The following VSTM2L variants were observed in gnomAD, a reference collection of about 807,000 sequenced individuals.
VSTM2L encodes the protein V-set and transmembrane domain containing 2 like.
In VSTM2L, 9 loss-of-function variants were observed where a neutral mutation model predicts 19.9. The observed-to-expected ratio is 0.45, with a 90% CI of 0.27 to 0.79. VSTM2L has a LOEUF of 0.79. Ranked by LOEUF, VSTM2L falls within the 30% of genes least tolerant of loss-of-function variation. The probability of loss-of-function intolerance (pLI) is 0.15; values close to 1 mark genes in which losing one functional copy is unlikely to be tolerated. For synonymous variants in VSTM2L, 127 were observed against 133.8 expected (o/e 0.95, Z 0.35); for missense variants, 286 against 295.5 (o/e 0.97, Z 0.24).
At chr20:37,929,217 G>A (rs1475697123) in intron 1 of VSTM2L, among the ~76,000 whole-genome samples, 1 of 152,234 alleles carries the variant, frequency 6.6e-6, no homozygotes, top group Non-Finnish European at 1.5e-5. Flanking sequence ...TGAGGAAAGG[G>A]TGTTCCAGGC....
intron 3 of VSTM2L, among the ~76,000 whole-genome samples, chr20:37,941,296 AG>A (rs767548606): frequency 9.2e-5 from 14 of 152,200 alleles, no homozygotes; most frequent in Non-Finnish European, 1.3e-4. Context: ...GAGTGGGGAC[AG>A]GGGGTCAATT....
At chr20:37,914,749 G>A (rs550100674) in intron 1 of VSTM2L, among the ~76,000 whole-genome samples, 1 of 152,286 alleles carries the variant, frequency 6.6e-6, no homozygotes, top group South Asian at 2.1e-4. Flanking sequence ...CCTTGCAGAG[G>A]GGAAAACTGA....
chr20:37,927,887 G>A (rs1229261258), intron 1 of VSTM2L, among the ~76,000 whole-genome samples: 1 of 152,188 alleles, frequency 6.6e-6, no homozygotes, highest in African/African-American at 2.4e-5. Flanking sequence ...CACCTCACCC[G>A]TGTCTGGGAG....
intron 1 of VSTM2L, among the ~76,000 whole-genome samples, chr20:37,915,908 C>T (rs556663969): frequency 6.6e-6 from 1 of 152,276 alleles, no homozygotes; most frequent in South Asian, 2.1e-4. Context: ...TCTGCCTCCC[C>T]TTTTGCCCCG....
Position 37,931,764 on chromosome 20 carries a change from A to G in VSTM2L, c.251A>G (p.His84Arg), listed in dbSNP as rs1440676009. ...LEIQWWYVRS[H>R]RDWTDKQAWA... ...ATCCAGTGGTGGTATGTACGGAGCCACCGGGACTGGACCGACAAGCAGGCG... is the reference window on the plus strand; with the variant it reads ...ATCCAGTGGTGGTATGTACGGAGCCGCCGGGACTGGACCGACAAGCAGGCG... Residue 84 changes from histidine (H) to arginine (R), a missense_variant, in exon 2 of 4, where the codon CAC becomes CGC. His to Arg is a conservative substitution (Grantham distance 29). Transcript: ENST00000373461. The G allele has an allele frequency of 3.1e-6, 5 of 1,613,962 alleles. No homozygotes were observed. The highest frequency in any genetic ancestry group is 4.2e-6 in the Non-Finnish European group (5 of 1,180,012).
chr20:37,927,353 G>GT (rs147467369), intron 1 of VSTM2L, among the ~76,000 whole-genome samples: 134 of 151,798 alleles, frequency 8.8e-4, no homozygotes, highest in Non-Finnish European at 1.1e-3. Flanking sequence ...AATTTCACGT[G>GT]TTTTTTTTTA....
chr20:37,903,484 G>A lies in VSTM2L; in HGVS notation c.121+13G>A. ...GTCTCCGGCCACGGTGAGTTCGGTC[G>A]CCGCCCCCGCGGACTTCCCCACCAA... is the stretch of plus-strand genomic sequence containing the variant. On this transcript the variant is annotated intron_variant, in intron 1 of 3. Coordinates refer to ENST00000373461, the MANE Select transcript of VSTM2L (RefSeq NM_080607.3). 2.0e-6 allele frequency: 3 copies of A among 1,467,034 alleles called. No homozygotes were observed. Among genetic ancestry groups the A allele is most frequent in the Non-Finnish European group, 2.7e-6 (3 of 1,114,908 alleles). 90.9% of individuals were successfully genotyped at this position (1,467,034 alleles called of 1,614,324 possible). A position where few individuals can be genotyped will look rare whatever the true frequency, so the allele number is the denominator to read the frequency against.
At chr20:37,915,631 G>A (rs1318711450) in intron 1 of VSTM2L, among the ~76,000 whole-genome samples, 1 of 152,108 alleles carries the variant, frequency 6.6e-6, no homozygotes, top group Non-Finnish European at 1.5e-5. Context: ...ACCTTGAGGA[G>A]GTGCAGTTGG....
At chr20:37,908,873 C>T (rs1412928064) in intron 1 of VSTM2L, among the ~76,000 whole-genome samples, 1 of 152,158 alleles carries the variant, frequency 6.6e-6, no homozygotes, top group African/African-American at 2.4e-5. Context: ...TGTTGAGTGC[C>T]ATGCCAGGGC....
At chr20:37,930,404 C>G (rs758809279) in intron 1 of VSTM2L, among the ~76,000 whole-genome samples, 1 of 152,160 alleles carries the variant, frequency 6.6e-6, no homozygotes, top group Non-Finnish European at 1.5e-5. Flanking sequence ...GAATCTGCCC[C>G]TCTGGGCCAG....
chr20:37,942,871 C>G (rs1466661534), intron 3 of VSTM2L, among the ~76,000 whole-genome samples: 1 of 152,210 alleles, frequency 6.6e-6, no homozygotes, highest in East Asian at 1.9e-4. Flanking sequence ...CATCCTTGCT[C>G]CCCCCAAGTG....
At chr20:37,939,133 G>A (rs114650593) in intron 3 of VSTM2L, among the ~76,000 whole-genome samples, 177 of 152,234 alleles carry the variant, frequency 1.2e-3, no homozygotes, top group African/African-American at 3.9e-3. Flanking sequence ...GGCTGGGCGC[G>A]GTGGCTCACG....
chr20:37,930,081 G>A (rs1293269545), intron 1 of VSTM2L, among the ~76,000 whole-genome samples: 9 of 152,334 alleles, frequency 5.9e-5, no homozygotes, highest in Non-Finnish European at 1.2e-4. Flanking sequence ...CTCAGCAAGC[G>A]GGGAGCCTCC....
At chr20:37,905,857 G>T (rs1263120516) in intron 1 of VSTM2L, among the ~76,000 whole-genome samples, 1 of 152,212 alleles carries the variant, frequency 6.6e-6, no homozygotes, top group African/African-American at 2.4e-5. Flanking sequence ...CGGCGAATAA[G>T]TGGGTCATGT....
chr20:37,944,536 G>A lies in VSTM2L; in HGVS notation c.*283G>A, dbSNP rs751730943. 3.5e-5 allele frequency: 42 copies of A among 1,190,848 alleles called. No individual in the cohort carries two copies. The highest frequency in any genetic ancestry group is 3.3e-4 in the East Asian group (9 of 27,294). The allele number at this position is 1,190,848 out of a possible 1,614,324, so 73.8% of individuals were successfully genotyped here. On this transcript the variant is annotated 3_prime_UTR_variant, in exon 4 of 4. Coordinates refer to ENST00000373461, the MANE Select transcript of VSTM2L (RefSeq NM_080607.3). ...TGGGGCAGGGACCATGCTGGGGCCC[G>A]GGGCCACCCCCTTCCTGTCACCAGC...
At chr20:37,943,909 C>A (rs910862525) in intron 3 of VSTM2L, 72 bp from the exon 4 acceptor site, 1 of 56,972 alleles carries the variant, frequency 1.8e-5, no homozygotes, top group Non-Finnish European at 3.7e-5. Flanking sequence ...GATCTTGGGA[C>A]CCCCCCCCCC....
chr20:37,933,424 A>G, intron 2 of VSTM2L, 115 bp from the exon 3 acceptor site: 1 of 848,982 alleles, frequency 1.2e-6, no homozygotes. Context: ...TGCTGTCGTG[A>G]GAATCTTAGC....
intron 3 of VSTM2L, among the ~76,000 whole-genome samples, chr20:37,943,074 T>A (rs2072982347): frequency 6.6e-6 from 1 of 152,056 alleles, no homozygotes; most frequent in East Asian, 1.9e-4. Context: ...TTCAAGTGAT[T>A]TTCGTGCCTC....
intron 1 of VSTM2L, among the ~76,000 whole-genome samples, chr20:37,914,884 A>G (rs1161998753): frequency 1.3e-5 from 2 of 152,218 alleles, no homozygotes; most frequent in Non-Finnish European, 2.9e-5. Context: ...TGGGGTCTTG[A>G]CTGACCCCTC....
Sources: gnomAD v4.1 joint callset for allele counts (sites outside exome capture counted in the v4.1 genomes callset) on GRCh38, gnomAD v4.1.1 for gene constraint, MANE v1.5 for transcripts, NCBI Gene and HGNC (gene_info 2026-07-23, HGNC 2026-07-21) for gene names.